The following KCNMA1 variants were observed in gnomAD, a reference collection of about 807,000 sequenced individuals.
The protein encoded by KCNMA1 is Calcium-activated potassium channel subunit alpha-1.
Under a neutral mutation model 140.0 loss-of-function variants are expected in KCNMA1, and 29 were observed. The observed-to-expected ratio is 0.21, with a 90% CI of 0.15 to 0.28. KCNMA1 has a LOEUF of 0.28. KCNMA1 is among the 10% of genes least tolerant of loss of function. The pLI is 1.00. For synonymous variants in KCNMA1, 612 were observed against 611.9 expected (o/e 1.00, Z 0.00); for missense variants, 880 against 1,602.2 (o/e 0.55, Z 7.70).
intron 19 of KCNMA1, among the ~76,000 whole-genome samples, chr10:76,998,280 G>C (rs1438617112): frequency 6.6e-6 from 1 of 152,038 alleles, no homozygotes; most frequent in East Asian, 1.9e-4. Context: ...ACACATAATG[G>C]GACTTTGTGT....
Position 77,637,460 on chromosome 10 carries a change from G to C in KCNMA1, c.183C>G (p.Val61=). The C allele has an allele frequency of 6.2e-7, 1 of 1,612,438 alleles. No individual in the cohort carries two copies. The highest frequency in any genetic ancestry group is 8.5e-7 in the Non-Finnish European group (1 of 1,179,228). Residue 61 remains valine (V), a synonymous_variant, in exon 1 of 28, where the codon GTC becomes GTG. Coordinates refer to ENST00000286628, the MANE Select transcript of KCNMA1 (RefSeq NM_001161352.2). Reference sequence around the variant, plus strand: ...TGAGCGCATCCATCTTGGGCTCGTGGACCGAGGACGAGGAGGAAGAGGAGG... The same window carrying C: ...TGAGCGCATCCATCTTGGGCTCGTGCACCGAGGACGAGGAGGAAGAGGAGG... ...SSSSSSSSSS[V]HEPKMDALII...
chr10:77,254,618 T>A (rs924312464), intron 2 of KCNMA1, among the ~76,000 whole-genome samples: 1 of 152,178 alleles, frequency 6.6e-6, no homozygotes, highest in Non-Finnish European at 1.5e-5. Context: ...TTAGCCAATA[T>A]AAAATGAACT....
chr10:77,389,041 G>A (rs1222780120), intron 2 of KCNMA1, among the ~76,000 whole-genome samples: 1 of 152,222 alleles, frequency 6.6e-6, no homozygotes, highest in Admixed American at 6.5e-5. Flanking sequence ...GCAAGGGGGA[G>A]TCTTTGCTTA....
chr10:77,027,920 C>T, intron 15 of KCNMA1, 29 bp from the exon 16 acceptor site: 1 of 1,597,618 alleles, frequency 6.3e-7, no homozygotes, highest in Non-Finnish European at 8.6e-7. Flanking sequence ...GCCTCCCAAT[C>T]AGTTCTTCTG....
intron 1 of KCNMA1, among the ~76,000 whole-genome samples, chr10:77,600,342 G>A (rs1367794893): frequency 6.6e-6 from 1 of 152,194 alleles, no homozygotes; most frequent in African/African-American, 2.4e-5. Flanking sequence ...CAGCCTAGTG[G>A]GGAGAGCAGG....
At chr10:76,950,873 A>C (rs1173643353) in intron 21 of KCNMA1, among the ~76,000 whole-genome samples, 2 of 152,186 alleles carry the variant, frequency 1.3e-5, no homozygotes, top group East Asian at 3.9e-4. Context: ...AATGCCTTAG[A>C]AACTGTGACC....
intron 3 of KCNMA1, among the ~76,000 whole-genome samples, chr10:77,222,488 G>A (rs559230238): frequency 6.6e-5 from 10 of 152,298 alleles, no homozygotes; most frequent in South Asian, 2.1e-4. Context: ...CAGGAAGCCC[G>A]CATAGCCAGA....
At chr10:77,367,286 T>C (rs1566309712) in intron 2 of KCNMA1, among the ~76,000 whole-genome samples, 1 of 152,198 alleles carries the variant, frequency 6.6e-6, no homozygotes, top group Non-Finnish European at 1.5e-5. Context: ...ATGGGAGATT[T>C]CAGGGGAAAG....
intron 14 of KCNMA1, chr10:77,071,204 T>C (rs550301083): frequency 1.3e-5 from 2 of 152,396 alleles, no homozygotes; most frequent in South Asian, 4.1e-4. Flanking sequence ...AGGTTTTCCC[T>C]GCTGCTAATA....
intron 6 of KCNMA1, among the ~76,000 whole-genome samples, chr10:77,116,629 TG>T (rs2097477142): frequency 6.6e-6 from 1 of 152,090 alleles, no homozygotes. Flanking sequence ...CTAACATAAA[TG>T]GTCTGAATGA....
chr10:77,409,009 C>A (rs888451214), intron 1 of KCNMA1, among the ~76,000 whole-genome samples: 2 of 152,190 alleles, frequency 1.3e-5, no homozygotes, highest in Non-Finnish European at 2.9e-5. Flanking sequence ...GGCCACAGTC[C>A]CCTCCCGACA....
At chr10:77,262,707 C>T (rs192507375) in intron 2 of KCNMA1, among the ~76,000 whole-genome samples, 4 of 152,120 alleles carry the variant, frequency 2.6e-5, no homozygotes, top group Non-Finnish European at 5.9e-5. Flanking sequence ...CTCCTGCTCC[C>T]TCTCTTGCCA....
chr10:77,215,153 C>T (rs2047311915), intron 3 of KCNMA1, among the ~76,000 whole-genome samples: 1 of 152,118 alleles, frequency 6.6e-6, no homozygotes, highest in South Asian at 2.1e-4. Context: ...AATGCTACCA[C>T]CAGCGACTTG....
chr10:77,104,711 A>G lies in KCNMA1; in HGVS notation c.1223+3770T>C, dbSNP rs1596030423. ...TCCTCTCTGTGACTGATTATTTTCC[A>G]TGGCCCTTGGCCATGTGACCTTGGA... On this transcript the variant is annotated intron_variant, in intron 9 of 27. Transcript: ENST00000286628. Among the ~76,000 whole-genome samples the G allele has an allele frequency of 4.6e-5, 7 of 152,284 alleles. No homozygotes were observed. In the South Asian group the frequency reaches 1.5e-3, roughly 32 times the overall value.
intron 23 of KCNMA1, among the ~76,000 whole-genome samples, chr10:76,924,304 A>G (rs1196978480): frequency 6.6e-6 from 1 of 152,166 alleles, no homozygotes; most frequent in East Asian, 1.9e-4. Flanking sequence ...TTTGTGAAAA[A>G]CCACAGGTAA....
At position 77,177,994 on chromosome 10, in the gene KCNMA1, CA is replaced by C. The variant is rs577754651; in HGVS notation, c.808+5426del. On this transcript the variant is annotated intron_variant, in intron 5 of 27. Transcript: ENST00000286628. ...ATCCTGTTTTTATTGCCTTCTGACA[CA>C]AAAAAAGGACTATTTTGGGCATATA... 7.4e-3 allele frequency among the ~76,000 whole-genome samples: 1,128 copies of C among 152,026 alleles called. 13 individuals carry two copies. The highest frequency in any genetic ancestry group is 0.025 in the African/African-American group (1,058 of 41,492).
In KCNMA1 at chr10:77,454,722, T is replaced by C. The variant is rs57617654; in HGVS notation, c.379-50699A>G. Among the ~76,000 whole-genome samples, 671 of 152,300 alleles carry C rather than the reference T, an allele frequency of 4.4e-3. 3 individuals are homozygous for C. The highest frequency in any genetic ancestry group is 0.016 in the African/African-American group (656 of 41,558). On this transcript the variant is annotated intron_variant, in intron 1 of 27. Transcript: ENST00000286628. Reference sequence around the variant, plus strand: ...ACTTGGGGATTAACAATTTAATTTTTAATTAGTGGAGCATACTCAAAATGT... The same window carrying C: ...ACTTGGGGATTAACAATTTAATTTTCAATTAGTGGAGCATACTCAAAATGT...
chr10:77,469,543 T>C (rs1297734195), intron 1 of KCNMA1, among the ~76,000 whole-genome samples: 1 of 152,122 alleles, frequency 6.6e-6, no homozygotes, highest in Non-Finnish European at 1.5e-5. Flanking sequence ...CTCAGAGGTG[T>C]GTGAACTCAC....
intron 2 of KCNMA1, among the ~76,000 whole-genome samples, chr10:77,369,011 T>C (rs1651217758): frequency 6.6e-6 from 1 of 152,250 alleles, no homozygotes. Flanking sequence ...TCAAAATTAT[T>C]TTACCTATTC....
Sources: allele counts gnomAD v4.1 joint callset (sites outside exome capture counted in the v4.1 genomes callset), GRCh38; gene constraint gnomAD v4.1.1; transcripts MANE v1.5; gene names NCBI Gene and HGNC (gene_info 2026-07-23, HGNC 2026-07-21).